The following NEK1 variants were observed in gnomAD, a reference collection of about 807,000 sequenced individuals.
The protein encoded by NEK1 is NIMA related kinase 1.
A neutral mutation model predicts 182.1 loss-of-function variants in NEK1; 137 were observed. That is an observed-to-expected ratio of 0.75 (90% CI 0.65 to 0.87). The LOEUF (loss-of-function observed/expected upper bound fraction) is 0.87. Ranked by LOEUF, NEK1 falls within the 40% of genes least tolerant of loss-of-function variation. The pLI, the probability that NEK1 is intolerant of heterozygous loss-of-function variation, is 0.00. For missense variants in NEK1, 1,391 were observed against 1,494.4 expected, an observed-to-expected ratio of 0.93 and a Z score of 1.14; for synonymous variants, 513 against 492.2, an observed-to-expected ratio of 1.04 and a Z score of -0.56.
chr4:169,429,651 A>G (rs1017232215), intron 29 of NEK1, among the ~76,000 whole-genome samples: 16 of 152,098 alleles, frequency 1.1e-4, no homozygotes, highest in Non-Finnish European at 1.6e-4. Context: ...TAAGTATCTG[A>G]CTAGCAGTGA....
At chr4:169,581,476 G>A (rs375015848) in intron 10 of NEK1, among the ~76,000 whole-genome samples, 3 of 151,996 alleles carry the variant, frequency 2.0e-5, no homozygotes, top group Non-Finnish European at 4.4e-5. Flanking sequence ...TGGAGATGGG[G>A]GTCTCCTTAT....
intron 27 of NEK1, among the ~76,000 whole-genome samples, chr4:169,440,806 G>A (rs529174234): frequency 1.8e-4 from 28 of 152,296 alleles, no homozygotes; most frequent in African/African-American, 6.3e-4. Flanking sequence ...CCTGAGACTA[G>A]TAGAGGAAGC....
intron 2 of NEK1, among the ~76,000 whole-genome samples, chr4:169,604,710 T>C (rs1435638867): frequency 6.6e-6 from 1 of 152,218 alleles, no homozygotes; most frequent in African/African-American, 2.4e-5. Context: ...TCATATGCTG[T>C]GCCTACAAGA....
At chr4:169,544,426 C>A (rs1289450835) in intron 18 of NEK1, among the ~76,000 whole-genome samples, 3 of 151,982 alleles carry the variant, frequency 2.0e-5, no homozygotes, top group Admixed American at 6.6e-5. Flanking sequence ...GTCTAAAATT[C>A]TCTTTTTTTG....
chr4:169,598,135 A>C (rs1335171891), intron 5 of NEK1, among the ~76,000 whole-genome samples: 1 of 152,176 alleles, frequency 6.6e-6, no homozygotes, highest in Non-Finnish European at 1.5e-5. Context: ...CAATACTTTT[A>C]TAATTCAAGT....
intron 27 of NEK1, among the ~76,000 whole-genome samples, chr4:169,444,383 T>A (rs866983464): frequency 6.6e-6 from 1 of 151,870 alleles, no homozygotes; most frequent in Non-Finnish European, 1.5e-5. Context: ...AATAAACTCA[T>A]TACATATATA....
chr4:169,396,733 T>C (rs889213639), intron 35 of NEK1, among the ~76,000 whole-genome samples: 3 of 152,248 alleles, frequency 2.0e-5, no homozygotes, highest in Non-Finnish European at 2.9e-5. Context: ...AAATGTGTTT[T>C]TGACAATCTT....
At chr4:169,403,623 T>G (rs1446728980) in intron 32 of NEK1, among the ~76,000 whole-genome samples, 1 of 152,164 alleles carries the variant, frequency 6.6e-6, no homozygotes, top group African/African-American at 2.4e-5. Flanking sequence ...ACACCTGCTA[T>G]GTACCATTAC....
At chr4:169,446,530 C>A (rs1301953227) in intron 27 of NEK1, among the ~76,000 whole-genome samples, 1 of 152,038 alleles carries the variant, frequency 6.6e-6, no homozygotes, top group Non-Finnish European at 1.5e-5. Context: ...ATCAAGACCA[C>A]CCAGGAAAAT....
At chr4:169,501,243 G>A (rs1014171456) in intron 23 of NEK1, among the ~76,000 whole-genome samples, 1 of 152,104 alleles carries the variant, frequency 6.6e-6, no homozygotes, top group East Asian at 1.9e-4. Context: ...TGAGGACCCT[G>A]ATTTATAAAC....
chr4:169,403,536 C>G (rs1465472148), intron 32 of NEK1, among the ~76,000 whole-genome samples: 1 of 152,098 alleles, frequency 6.6e-6, no homozygotes, highest in Non-Finnish European at 1.5e-5. Context: ...CAGCACTGTA[C>G]TATAGCCAGG....
intron 27 of NEK1, among the ~76,000 whole-genome samples, chr4:169,455,623 T>C (rs1451702632): frequency 6.6e-6 from 1 of 152,028 alleles, no homozygotes; most frequent in African/African-American, 2.4e-5. Flanking sequence ...GTACAGGAAA[T>C]ATTATTAGAG....
rs1355788811 is a variant in NEK1 at position 169,561,499 on chromosome 4, C to T, written c.1247G>A (p.Gly416Asp). 13 of 1,613,586 alleles carry T rather than the reference C, an allele frequency of 8.1e-6. No individual in the cohort carries two copies. Among genetic ancestry groups the T allele is most frequent in the Non-Finnish European group, 9.3e-6 (11 of 1,179,678 alleles). Reference protein sequence around the residue: ...EQGWRNVLSAGGSGEVKAPFL... With the variant: ...EQGWRNVLSADGSGEVKAPFL... ...GCCTACCTTTACTTCACCACTTCCA[C>T]CAGCACTTAGCACATTTCTCCATCC... The change falls in exon 16 of 36, where the codon GGT (glycine) becomes GAT (aspartate). Residue 416 changes from glycine to aspartate, a missense_variant. By Grantham distance (94) the Gly-to-Asp change is moderately conservative. This residue lies in a region of NEK1 where 1,216 missense variants were observed against 1,277.6 expected (regional missense o/e 0.95). Transcript: ENST00000507142.
At chr4:169,501,886 G>T (rs1752482129) in intron 23 of NEK1, among the ~76,000 whole-genome samples, 1 of 151,904 alleles carries the variant, frequency 6.6e-6, no homozygotes, top group South Asian at 2.1e-4. Context: ...CCGACGAAAA[G>T]AAATAACTAA....
chr4:169,463,898 G>A (rs1453173594), intron 26 of NEK1, among the ~76,000 whole-genome samples: 1 of 152,144 alleles, frequency 6.6e-6, no homozygotes, highest in African/African-American at 2.4e-5. Context: ...TTCCCAAAGT[G>A]CTGGGATTAT....
At chr4:169,427,551 G>A (rs1048780966) in intron 29 of NEK1, among the ~76,000 whole-genome samples, 4 of 152,118 alleles carry the variant, frequency 2.6e-5, no homozygotes, top group African/African-American at 9.7e-5. Flanking sequence ...CTGGAGTGCA[G>A]TGGCACAATC....
Position 169,463,333 on chromosome 4 carries a change from T to C in NEK1, c.2497A>G (p.Lys833Glu). ...TTTAGAACAGAATCTGTCGGACTTTTCCCCCAGGCTCTTCTTGGAGATCCA... is the reference window on the plus strand; with the variant it reads ...TTTAGAACAGAATCTGTCGGACTTTCCCCCCAGGCTCTTCTTGGAGATCCA... The part of the protein sequence containing the change: ...PNGSPRRAWG[K>E]SPTDSVLKIL... The change falls in exon 27 of 36, where the codon AAA becomes GAA. Residue 833 changes from lysine (K) to glutamate (E), a missense_variant. By Grantham distance (56) the Lys-to-Glu change is moderately conservative (BLOSUM62 1). Coordinates refer to ENST00000507142, the MANE Select transcript of NEK1 (RefSeq NM_001199397.3). The C allele has an allele frequency of 6.2e-7, 1 of 1,610,442 alleles. No homozygotes were observed. The highest frequency in any genetic ancestry group is 8.5e-7 in the Non-Finnish European group (1 of 1,177,792).
At chr4:169,491,309 CT>C (rs1409680157) in intron 23 of NEK1, among the ~76,000 whole-genome samples, 1 of 151,942 alleles carries the variant, frequency 6.6e-6, no homozygotes, top group Non-Finnish European at 1.5e-5. Flanking sequence ...CACCAAGGCA[CT>C]TTATAATTTA....
At chr4:169,398,563 C>T (rs946597190) in intron 35 of NEK1, among the ~76,000 whole-genome samples, 27 of 152,158 alleles carry the variant, frequency 1.8e-4, no homozygotes. Flanking sequence ...GAAAGACCAG[C>T]ACCAAATTTG....
Sources: gnomAD v4.1 joint callset for allele counts (sites outside exome capture counted in the v4.1 genomes callset) on GRCh38, gnomAD v4.1.1 for gene constraint, gnomAD v4.1.1 regional missense constraint, MANE v1.5 for transcripts, NCBI Gene and HGNC (gene_info 2026-07-23, HGNC 2026-07-21) for gene names.